Variants in FMN2 observed in about 807,000 individuals in gnomAD.
The protein encoded by FMN2 is formin-2.
FMN2 carries 51 observed loss-of-function variants against 142.3 expected under a neutral mutation model. The ratio of observed to expected loss-of-function variants is 0.36; its 90% CI spans 0.29 to 0.45. The LOEUF (loss-of-function observed/expected upper bound fraction) is 0.45, where lower values mean the gene tolerates loss of function less well. FMN2 is among the 20% of genes least tolerant of loss of function. The pLI is 1.00. For synonymous variants in FMN2, 882 were observed against 869.8 expected (o/e 1.01, Z -0.25); for missense variants, 1,936 against 2,122.8 (o/e 0.91, Z 1.73).
intron 7 of FMN2, among the ~76,000 whole-genome samples, chr1:240,269,168 G>A (rs1356681461): frequency 3.3e-5 from 5 of 151,870 alleles, no homozygotes; most frequent in Admixed American, 6.6e-5. Context: ...TGTTTTCTTC[G>A]AGTAGTTTTA....
At chr1:240,194,070 TG>T (rs1468024198) in intron 4 of FMN2, among the ~76,000 whole-genome samples, 10 of 152,188 alleles carry the variant, frequency 6.6e-5, no homozygotes, top group Non-Finnish European at 8.8e-5. Flanking sequence ...TTGTTGTTGT[TG>T]TTTTTTTAAT....
chr1:240,103,067 T>C (rs1340350459), intron 1 of FMN2, among the ~76,000 whole-genome samples: 1 of 151,422 alleles, frequency 6.6e-6, no homozygotes, highest in African/African-American at 2.4e-5. Context: ...GGTTTCACCA[T>C]GTTGGCCAGG....
rs532106277 is a variant in FMN2 at position 240,191,630 on chromosome 1, A to G, written c.1986+3368A>G. On this transcript the variant is annotated intron_variant, in intron 4 of 17. Coordinates refer to ENST00000319653, the MANE Select transcript of FMN2 (RefSeq NM_020066.5). ...ATATTTAAACTGTAAAGCCTTTTAT[A>G]CTCTGTAGTATATAATAGCTTAGTG... 2.0e-5 allele frequency among the ~76,000 whole-genome samples: 3 copies of G among 152,250 alleles called. No individual in the cohort carries two copies. The East Asian group carries it at 5.8e-4, about 29-fold the overall frequency.
intron 6 of FMN2, among the ~76,000 whole-genome samples, chr1:240,229,805 C>T (rs1667479038): frequency 1.1e-5 from 1 of 92,756 alleles, no homozygotes; most frequent in Non-Finnish European, 2.2e-5. Flanking sequence ...CACCACCATG[C>T]CCAGCTAATT....
At chr1:240,228,374 G>T (rs1553346364) in intron 6 of FMN2, among the ~76,000 whole-genome samples, 1 of 143,024 alleles carries the variant, frequency 7.0e-6, no homozygotes, top group African/African-American at 2.6e-5. Context: ...TGGGCAAAAG[G>T]TTTCAGTAGG....
chr1:240,210,179 A>G (rs1052321273), intron 5 of FMN2, among the ~76,000 whole-genome samples: 14 of 152,186 alleles, frequency 9.2e-5, no homozygotes, highest in Non-Finnish European at 4.4e-5. Flanking sequence ...TGTGTCATCT[A>G]TAGCCCGTGT....
At chr1:240,238,015 A>G (rs1300163848) in intron 6 of FMN2, among the ~76,000 whole-genome samples, 1 of 152,222 alleles carries the variant, frequency 6.6e-6, no homozygotes, top group Non-Finnish European at 1.5e-5. Flanking sequence ...GTTTGTTTCT[A>G]TGAACACATT....
intron 13 of FMN2, among the ~76,000 whole-genome samples, chr1:240,346,905 C>T (rs114466237): frequency 1.6e-4 from 25 of 152,102 alleles, no homozygotes; most frequent in Non-Finnish European, 2.8e-4. Context: ...TATATATTTG[C>T]GCATGATGGT....
At chr1:240,454,271 G>A (rs1676154473) in intron 16 of FMN2, among the ~76,000 whole-genome samples, 1 of 151,402 alleles carries the variant, frequency 6.6e-6, no homozygotes, top group African/African-American at 2.4e-5. Flanking sequence ...GCCAGGAATG[G>A]TGGCTCATGC....
At chr1:240,096,229 T>G (rs1029811731) in intron 1 of FMN2, among the ~76,000 whole-genome samples, 1 of 152,320 alleles carries the variant, frequency 6.6e-6, no homozygotes, top group East Asian at 1.9e-4. Flanking sequence ...TAAGGCCATA[T>G]AGAGAGTAAA....
intron 8 of FMN2, among the ~76,000 whole-genome samples, chr1:240,306,825 A>T (rs1023373144): frequency 2.4e-4 from 36 of 152,208 alleles, no homozygotes; most frequent in African/African-American, 8.2e-4. Flanking sequence ...AAATCTCCAA[A>T]CTGCTGTCCA....
intron 16 of FMN2, among the ~76,000 whole-genome samples, chr1:240,456,944 C>G (rs185693850): frequency 6.6e-6 from 1 of 152,294 alleles, no homozygotes; most frequent in Non-Finnish European, 1.5e-5. Context: ...TATGAAGATT[C>G]TACCAGGTTT....
chr1:240,454,791 C>T (rs1394017564), intron 16 of FMN2, among the ~76,000 whole-genome samples: 1 of 151,898 alleles, frequency 6.6e-6, no homozygotes, highest in Non-Finnish European at 1.5e-5. Context: ...AGTAGCAGCA[C>T]CAGAGCACAG....
chr1:240,217,298 A>G (rs1666941917), intron 6 of FMN2, among the ~76,000 whole-genome samples: 2 of 152,312 alleles, frequency 1.3e-5, no homozygotes, highest in East Asian at 3.9e-4. Context: ...TTGCAGAGTG[A>G]CAGACTGAAT....
intron 2 of FMN2, among the ~76,000 whole-genome samples, chr1:240,131,094 C>T (rs1330522058): frequency 2.0e-5 from 3 of 152,162 alleles, no homozygotes; most frequent in African/African-American, 7.2e-5. Flanking sequence ...AACTATGCTG[C>T]AAGCTTAGGT....
At chr1:240,356,852 C>G (rs1297263509) in intron 14 of FMN2, among the ~76,000 whole-genome samples, 1 of 152,136 alleles carries the variant, frequency 6.6e-6, no homozygotes, top group African/African-American at 2.4e-5. Context: ...TTAGGCACAG[C>G]TTTTTTAAGA....
In FMN2 at chr1:240,111,682, T is replaced by C. The variant is rs186543606; in HGVS notation, c.1616-11497T>C. 7.2e-5 allele frequency among the ~76,000 whole-genome samples: 11 copies of C among 152,244 alleles called. 1 individual carries two copies. The highest frequency in any genetic ancestry group is 2.2e-4 in the African/African-American group (9 of 41,556). On this transcript the variant is annotated intron_variant, in intron 1 of 17. Transcript: ENST00000319653. Reference sequence around the variant, plus strand: ...AGCAAGGTCTTTATGACCTGTATCTTGTGCTGACCTCCTACTCATCCTGTG... The same window carrying C: ...AGCAAGGTCTTTATGACCTGTATCTCGTGCTGACCTCCTACTCATCCTGTG...
chr1:240,210,421 G>T (rs973780589), intron 5 of FMN2, among the ~76,000 whole-genome samples: 2 of 152,092 alleles, frequency 1.3e-5, no homozygotes, highest in African/African-American at 4.8e-5. Flanking sequence ...ACACCATATC[G>T]GGGGCAAGAA....
At chr1:240,377,813 A>G (rs925173709) in intron 14 of FMN2, among the ~76,000 whole-genome samples, 2 of 152,148 alleles carry the variant, frequency 1.3e-5, no homozygotes, top group Admixed American at 6.5e-5. Context: ...AATTTATTAT[A>G]TTATATTCCC....
Sources: allele counts gnomAD v4.1 joint callset (sites outside exome capture counted in the v4.1 genomes callset), GRCh38; gene constraint gnomAD v4.1.1; transcripts MANE v1.5; gene names NCBI Gene and HGNC (gene_info 2026-07-23, HGNC 2026-07-21).